The following NEBL variants were observed in gnomAD, a reference collection of about 807,000 sequenced individuals.
NEBL encodes LIM and SH3 protein 2.
In NEBL, 122 loss-of-function variants were observed where a neutral mutation model predicts 140.2. The observed-to-expected ratio is 0.87, with a 90% CI of 0.75 to 1.01. NEBL has a LOEUF of 1.01. NEBL is among the 50% of genes least tolerant of loss of function. The pLI is 0.00. For missense variants in NEBL, 1,365 were observed against 1,231.3 expected, an observed-to-expected ratio of 1.11 and a Z score of -1.62; for synonymous variants, 436 against 398.9, an observed-to-expected ratio of 1.09 and a Z score of -1.11.
At chr10:20,972,091 G>C (rs1836599320) in intron 3 of NEBL, among the ~76,000 whole-genome samples, 1 of 152,150 alleles carries the variant, frequency 6.6e-6, no homozygotes. Context: ...GAGTCATTCA[G>C]AAAAGAAAAG....
In NEBL at chr10:20,869,645, A is replaced by C; in HGVS notation, c.582+95T>G. On this transcript the variant is annotated intron_variant, in intron 6 of 27. Coordinates refer to ENST00000377122, the MANE Select transcript of NEBL (RefSeq NM_006393.3). ...GTATTCATTTATATTGATTAGTTAC[A>C]CTAATTAAATGAACCATCCAACCAC... 3.7e-6 allele frequency: 3 copies of C among 808,830 alleles called. No homozygotes were observed. In the South Asian group the frequency reaches 4.1e-5, roughly 11 times the overall value. 50.1% of individuals were successfully genotyped at this position (808,830 alleles called of 1,614,324 possible).
intron 3 of NEBL, among the ~76,000 whole-genome samples, chr10:21,230,085 T>A (rs914085303): frequency 1.3e-5 from 2 of 152,262 alleles, no homozygotes; most frequent in Non-Finnish European, 2.9e-5. Flanking sequence ...TGTTTTCAGA[T>A]GCAAACATTC....
chr10:21,286,246 G>C (rs182355990), intron 1 of NEBL, among the ~76,000 whole-genome samples: 3 of 152,224 alleles, frequency 2.0e-5, no homozygotes, highest in Admixed American at 6.5e-5. Flanking sequence ...TTTCATCACT[G>C]GAGACAGAAA....
intron 3 of NEBL, among the ~76,000 whole-genome samples, chr10:20,968,195 T>C (rs1277382365): frequency 2.6e-5 from 4 of 151,776 alleles, no homozygotes; most frequent in South Asian, 4.2e-4. Flanking sequence ...AAAAGGGTGG[T>C]GTTAAAGGGA....
At chr10:20,894,396 C>A (rs1847267610) in intron 2 of NEBL, among the ~76,000 whole-genome samples, 1 of 151,178 alleles carries the variant, frequency 6.6e-6, no homozygotes, top group Non-Finnish European at 1.5e-5. Context: ...TCACTTGAGC[C>A]CAGGAAATTG....
At chr10:20,977,535 G>A (rs145787811) in intron 3 of NEBL, among the ~76,000 whole-genome samples, 11 of 152,258 alleles carry the variant, frequency 7.2e-5, no homozygotes, top group Non-Finnish European at 1.6e-4. Context: ...AGGCATCACA[G>A]ATAGGCGAGC....
At chr10:21,144,332 G>C (rs999634804) in intron 2 of NEBL, among the ~76,000 whole-genome samples, 2 of 152,226 alleles carry the variant, frequency 1.3e-5, no homozygotes, top group African/African-American at 4.8e-5. Flanking sequence ...TAACCCAGTG[G>C]CTTCCCTGGT....
intron 26 of NEBL, chr10:20,793,331 A>G (rs1356935890): frequency 1.0e-6 from 1 of 967,940 alleles, no homozygotes; most frequent in Non-Finnish European, 1.2e-6. Context: ...AGCAGTCATT[A>G]CTGTTTTATA....
In NEBL at chr10:21,217,047, A is replaced by G. The variant is rs1477139129; in HGVS notation, n.348+30874T>C. ...ACTAAACTACTACCATAGGAACACA[A>G]TACCCCTGGGAAGGGGCTCTGCACT... On this transcript the variant is annotated intron_variant and non_coding_transcript_variant, in intron 3 of 8. Coordinates refer to the NEBL transcript ENST00000675702. Among the ~76,000 whole-genome samples the G allele has an allele frequency of 2.0e-5, 3 of 152,098 alleles. No individual in the cohort carries two copies. The South Asian group carries it at 6.2e-4, about 32-fold the overall frequency.
At chr10:20,950,887 C>T (rs1835427222) in intron 4 of NEBL, among the ~76,000 whole-genome samples, 1 of 152,202 alleles carries the variant, frequency 6.6e-6, no homozygotes, top group South Asian at 2.1e-4. Context: ...AATCCATACT[C>T]TCTTTCCTGG....
chr10:21,163,374 C>G (rs972435650), intron 2 of NEBL, among the ~76,000 whole-genome samples: 1 of 152,108 alleles, frequency 6.6e-6, no homozygotes. Flanking sequence ...GCAGGTTATC[C>G]AAACAGGCCA....
chr10:20,944,697 A>T (rs184238722), intron 4 of NEBL, among the ~76,000 whole-genome samples: 4 of 152,368 alleles, frequency 2.6e-5, no homozygotes, highest in African/African-American at 9.6e-5. Context: ...TGCCCAATTT[A>T]CAAACCACAC....
intron 3 of NEBL, among the ~76,000 whole-genome samples, chr10:21,210,585 A>C (rs1841899024): frequency 6.6e-6 from 1 of 152,252 alleles, no homozygotes; most frequent in Admixed American, 6.5e-5. Flanking sequence ...AATTCAAAGC[A>C]AAATCATACA....
chr10:21,201,845 A>G (rs1360463513), intron 3 of NEBL, among the ~76,000 whole-genome samples: 1 of 152,130 alleles, frequency 6.6e-6, no homozygotes, highest in Non-Finnish European at 1.5e-5. Flanking sequence ...AGCTTCACAA[A>G]TTGCTATTCG....
intron 3 of NEBL, among the ~76,000 whole-genome samples, chr10:21,208,504 C>T (rs1375496558): frequency 6.6e-6 from 1 of 152,166 alleles, no homozygotes; most frequent in African/African-American, 2.4e-5. Context: ...CTCCCTCCCT[C>T]CTTCTCTAAT....
intron 2 of NEBL, among the ~76,000 whole-genome samples, chr10:21,037,192 C>G (rs375252960): frequency 6.8e-6 from 1 of 147,392 alleles, no homozygotes; most frequent in Non-Finnish European, 1.5e-5. Context: ...AACAAGCAGC[C>G]AGCGACCATC....
rs751177818 is a variant in NEBL, at chr10:20,787,283, C to G, written c.2787G>C (p.Gln929His). 1 of 1,613,330 alleles carries G rather than the reference C, an allele frequency of 6.2e-7. No homozygotes were observed. The highest frequency in any genetic ancestry group is 8.5e-7 in the Non-Finnish European group (1 of 1,179,610). ...AGCCATAGCCTTGGGAATGGCTTTG[C>G]TGATAGGCTCCGGGAAGAACAGGTG... is the stretch of plus-strand genomic sequence containing the variant. ...EGAPVLPGAY[Q>H]QSHSQGYGYM... Residue 929 changes from glutamine (Q) to histidine (H), a missense_variant, in exon 27 of 28, where the codon CAG becomes CAC. By Grantham distance (24) the Gln-to-His change is conservative. Coordinates refer to ENST00000377122, the MANE Select transcript of NEBL (RefSeq NM_006393.3).
chr10:21,260,315 G>A (rs966210746), intron 1 of NEBL, among the ~76,000 whole-genome samples: 2 of 152,204 alleles, frequency 1.3e-5, no homozygotes, highest in African/African-American at 4.8e-5. Context: ...AGAAGGCTCT[G>A]GAGAAAGCCC....
At chr10:21,193,954 A>C (rs1841613490) in intron 3 of NEBL, among the ~76,000 whole-genome samples, 1 of 152,190 alleles carries the variant, frequency 6.6e-6, no homozygotes, top group African/African-American at 2.4e-5. Flanking sequence ...TAGCTTCCCA[A>C]AACTAAAATG....
Sources: allele counts gnomAD v4.1 joint callset (sites outside exome capture counted in the v4.1 genomes callset), GRCh38; gene constraint gnomAD v4.1.1; transcripts MANE v1.5; gene names NCBI Gene and HGNC (gene_info 2026-07-23, HGNC 2026-07-21).